Variants in CUEDC1 observed in about 807,000 individuals in gnomAD.
CUEDC1 encodes the protein CUE domain-containing protein 1.
A neutral mutation model predicts 43.7 loss-of-function variants in CUEDC1; 30 were observed. That is an observed-to-expected ratio of 0.69 (90% CI 0.51 to 0.93). CUEDC1 has a LOEUF of 0.93. Ranked by LOEUF, CUEDC1 falls within the 40% of genes least tolerant of loss-of-function variation. The pLI is 0.00. For synonymous variants in CUEDC1, 223 were observed against 223.6 expected (o/e 1.00, Z 0.02); for missense variants, 486 against 549.0 (o/e 0.89, Z 1.15).
intron 1 of CUEDC1, among the ~76,000 whole-genome samples, chr17:57,936,006 C>T (rs2074858356): frequency 6.6e-6 from 1 of 152,248 alleles, no homozygotes. Flanking sequence ...GTGACCCACC[C>T]GCTGCTAATG....
chr17:57,917,282 C>A (rs1413997429), intron 1 of CUEDC1, among the ~76,000 whole-genome samples: 1 of 152,024 alleles, frequency 6.6e-6, no homozygotes. Flanking sequence ...AGGAAGATGA[C>A]AACAAGAGGC....
In CUEDC1 at chr17:57,904,611, C is replaced by A. The variant is rs951736407; in HGVS notation, c.-315-18732G>T. Among the ~76,000 whole-genome samples, 3 of 152,178 alleles carry A rather than the reference C, an allele frequency of 2.0e-5. 1 individual carries two copies. The East Asian group carries it at 5.8e-4, about 29-fold the overall frequency. On this transcript the variant is annotated intron_variant, in intron 1 of 10. Coordinates refer to ENST00000577830, the MANE Select transcript of CUEDC1 (RefSeq NM_001271875.2). ...CCCCGTCCCATTTCACAGGGGTCAT[C>A]AAGAGGCTAAGATTTCACTCTGCTC...
At chr17:57,894,109 C>T (rs754178815) in intron 1 of CUEDC1, among the ~76,000 whole-genome samples, 1 of 152,042 alleles carries the variant, frequency 6.6e-6, no homozygotes, top group Non-Finnish European at 1.5e-5. Flanking sequence ...AAAACAAAAC[C>T]AAACCATGAG....
In CUEDC1 at chr17:57,879,706, C is replaced by G; in HGVS notation, c.369G>C (p.Ser123=). Reference sequence around the variant, plus strand: ...AGTACACAGGTGGGGGCTCTTCATCCGAGCTATCAGGTTCCAAAGTCCTTT... The same window carrying G: ...AGTACACAGGTGGGGGCTCTTCATCGGAGCTATCAGGTTCCAAAGTCCTTT... ...ILERTLEPDS[S]DEEPPPVYSP... Residue 123 remains serine, a synonymous_variant, in exon 3 of 11, where the codon TCG becomes TCC. Coordinates refer to ENST00000577830, the MANE Select transcript of CUEDC1 (RefSeq NM_001271875.2). 1 of 1,599,578 alleles carries G rather than the reference C, an allele frequency of 6.3e-7. No individual in the cohort carries two copies. The highest frequency in any genetic ancestry group is 8.5e-7 in the Non-Finnish European group (1 of 1,174,732).
At chr17:57,910,221 C>G (rs1229881527) in intron 1 of CUEDC1, among the ~76,000 whole-genome samples, 1 of 152,168 alleles carries the variant, frequency 6.6e-6, no homozygotes, top group East Asian at 1.9e-4. Flanking sequence ...TGGCAGCCTT[C>G]TCCACAGACT....
At chr17:57,901,531 G>A (rs1280889525) in intron 1 of CUEDC1, among the ~76,000 whole-genome samples, 5 of 152,176 alleles carry the variant, frequency 3.3e-5, no homozygotes, top group Admixed American at 6.5e-5. Context: ...CCAGGACTCT[G>A]TAAACACTGA....
intron 1 of CUEDC1, among the ~76,000 whole-genome samples, chr17:57,927,669 C>T (rs2074761753): frequency 1.3e-5 from 2 of 152,222 alleles, no homozygotes; most frequent in Admixed American, 6.5e-5. Flanking sequence ...GATCTGCCCC[C>T]CAACCCCACT....
intron 3 of CUEDC1, among the ~76,000 whole-genome samples, chr17:57,875,372 A>G (rs764487586): frequency 1.1e-4 from 17 of 152,244 alleles, no homozygotes; most frequent in Admixed American, 7.2e-4. Flanking sequence ...GAAGGGCACA[A>G]GGTGGAGGAG....
At chr17:57,941,879 G>T (rs1010808366) in intron 1 of CUEDC1, among the ~76,000 whole-genome samples, 26 of 152,242 alleles carry the variant, frequency 1.7e-4, no homozygotes, top group Admixed American at 1.6e-3. Context: ...GAAGGAAAAC[G>T]AGGTGAATGG....
chr17:57,887,655 C>CTTTTTTTTTTTTTTTTTTTTTT (rs3085786), intron 1 of CUEDC1, among the ~76,000 whole-genome samples: 4 of 58,032 alleles, frequency 6.9e-5, no homozygotes, highest in Non-Finnish European at 8.8e-5. Context: ...CCACGCCTGG[C>CTTTTTTTTTTTTTTTTTTTTTT]TTTTTTTTTT....
intron 1 of CUEDC1, among the ~76,000 whole-genome samples, chr17:57,920,792 T>A (rs1319225769): frequency 1.3e-5 from 2 of 151,888 alleles, no homozygotes; most frequent in African/African-American, 2.4e-5. Flanking sequence ...ACCACCACCA[T>A]GCCGAGTAAA....
chr17:57,913,320 C>G (rs112028424), intron 1 of CUEDC1, among the ~76,000 whole-genome samples: 130 of 150,876 alleles, frequency 8.6e-4, no homozygotes, highest in African/African-American at 3.0e-3. Flanking sequence ...AAGAACAAGA[C>G]TCCATCTCAA....
chr17:57,949,658 G>A (rs900505247), intron 1 of CUEDC1, among the ~76,000 whole-genome samples: 5 of 141,908 alleles, frequency 3.5e-5, no homozygotes, highest in Non-Finnish European at 6.0e-5. Flanking sequence ...CTGCAACCTC[G>A]GCCTCCCAGG....
At chr17:57,935,776 C>G (rs1053409170) in intron 1 of CUEDC1, among the ~76,000 whole-genome samples, 55 of 152,310 alleles carry the variant, frequency 3.6e-4, no homozygotes, top group Admixed American at 2.4e-3. Flanking sequence ...GCCGTCCCAC[C>G]CCAATTCCTT....
intron 1 of CUEDC1, among the ~76,000 whole-genome samples, chr17:57,888,789 T>C (rs2074325650): frequency 6.6e-6 from 1 of 152,154 alleles, no homozygotes; most frequent in Non-Finnish European, 1.5e-5. Flanking sequence ...CACACAGGGG[T>C]CAGTGACTTG....
At chr17:57,873,862 A>C (rs907055302) in intron 3 of CUEDC1, 145 bp from the exon 4 acceptor site, 2 of 792,266 alleles carry the variant, frequency 2.5e-6, no homozygotes, top group Non-Finnish European at 3.7e-6. Context: ...AAGGCCCGTC[A>C]CTCTGTCTCA....
chr17:57,882,977 G>A (rs971919098), intron 2 of CUEDC1, among the ~76,000 whole-genome samples: 6 of 152,098 alleles, frequency 3.9e-5, no homozygotes, highest in African/African-American at 1.4e-4. Context: ...GACTGCAAGG[G>A]GAGGATTCAC....
intron 1 of CUEDC1, among the ~76,000 whole-genome samples, chr17:57,947,187 T>C (rs2074967546): frequency 6.7e-6 from 1 of 148,212 alleles, no homozygotes; most frequent in Non-Finnish European, 1.5e-5. Context: ...CCTCCTAACA[T>C]CAAATACTTT....
chr17:57,898,828 C>A (rs1434202309), intron 1 of CUEDC1, among the ~76,000 whole-genome samples: 3 of 152,136 alleles, frequency 2.0e-5, no homozygotes, highest in Admixed American at 6.5e-5. Context: ...GGGAGCTGGG[C>A]CAGCAGCCCT....
Sources: allele counts gnomAD v4.1 joint callset (sites outside exome capture counted in the v4.1 genomes callset), GRCh38; gene constraint gnomAD v4.1.1; transcripts MANE v1.5; gene names NCBI Gene and HGNC (gene_info 2026-07-23, HGNC 2026-07-21).